BAIAP2: variants seen among roughly 807,000 people sequenced by gnomAD.
The protein encoded by BAIAP2 is BAR/IMD domain-containing adapter protein 2.
A neutral mutation model predicts 63.0 loss-of-function variants in BAIAP2; 18 were observed. The observed-to-expected ratio is 0.29, with a 90% CI of 0.20 to 0.42. BAIAP2 has a LOEUF of 0.42. Ranked by LOEUF, BAIAP2 falls within the 10% of genes least tolerant of loss-of-function variation. The probability of loss-of-function intolerance (pLI) is 1.00; values close to 1 mark genes in which losing one functional copy is unlikely to be tolerated. For synonymous variants in BAIAP2, 386 were observed against 307.6 expected, an observed-to-expected ratio of 1.25 and a Z score of -2.67; for missense variants, 610 against 734.3, an observed-to-expected ratio of 0.83 and a Z score of 1.96.
chr17:81,102,121 G>A (rs529347571), intron 7 of BAIAP2, among the ~76,000 whole-genome samples: 7 of 138,440 alleles, frequency 5.1e-5, no homozygotes, highest in East Asian at 2.0e-4. Flanking sequence ...GCCCCCGGGC[G>A]TGTGTGGAAG....
chr17:81,115,641 G>A, intron 13 of BAIAP2, 129 bp from the exon 14 acceptor site: 2 of 1,112,602 alleles, frequency 1.8e-6, no homozygotes, highest in Non-Finnish European at 2.7e-6. Context: ...TTGTCTGTGA[G>A]CTCTGTGCCC....
chr17:81,065,449 G>T (rs187068246), intron 3 of BAIAP2, among the ~76,000 whole-genome samples: 1 of 152,326 alleles, frequency 6.6e-6, no homozygotes, highest in Non-Finnish European at 1.5e-5. Context: ...AGACCCAAGG[G>T]TGGAGGGCAG....
intron 10 of BAIAP2, 96 bp from the exon 11 acceptor site, chr17:81,105,982 C>T (rs2059136846): frequency 9.1e-7 from 1 of 1,095,568 alleles, no homozygotes; most frequent in Non-Finnish European, 1.3e-6. Context: ...CGCAGCCATG[C>T]TGGGGAGCTA....
chr17:81,093,899 G>C (rs2057220828), intron 6 of BAIAP2, among the ~76,000 whole-genome samples: 1 of 152,170 alleles, frequency 6.6e-6, no homozygotes, highest in African/African-American at 2.4e-5. Context: ...TTTTCACAAA[G>C]CTCTTCAGGC....
chr17:81,062,642 T>C (rs1203401316), intron 3 of BAIAP2, among the ~76,000 whole-genome samples: 1 of 152,064 alleles, frequency 6.6e-6, no homozygotes, highest in Non-Finnish European at 1.5e-5. Context: ...GTGTCTTTAC[T>C]GTTCCTGTAT....
intron 13 of BAIAP2, chr17:81,109,422 CT>C (rs1217928273): frequency 3.4e-5 from 33 of 979,098 alleles, no homozygotes; most frequent in East Asian, 9.8e-5. Flanking sequence ...GGAAAAAGGA[CT>C]TTTTTTTTCC....
intron 6 of BAIAP2, chr17:81,098,040 A>G: frequency 8.7e-7 from 1 of 1,146,950 alleles, no homozygotes; most frequent in Non-Finnish European, 1.1e-6. Flanking sequence ...CTGTGGTGTC[A>G]CGCGCTACCC....
At chr17:81,035,345 T>C in intron 1 of BAIAP2, 37 bp downstream of exon 1, 1 of 1,278,372 alleles carries the variant, frequency 7.8e-7, no homozygotes, top group Non-Finnish European at 1.0e-6. Context: ...GCCCGCTCCG[T>C]GTGCGCCTGG....
chr17:81,109,709 CA>C (rs1211788651), intron 13 of BAIAP2: 1 of 985,290 alleles, frequency 1.0e-6, no homozygotes, highest in African/African-American at 1.7e-5. Context: ...CAGCGCGGCA[CA>C]GTGGCCTCAC....
intron 1 of BAIAP2, among the ~76,000 whole-genome samples, chr17:81,037,173 AAC>A (rs1481789732): frequency 6.6e-6 from 1 of 152,194 alleles, no homozygotes; most frequent in Non-Finnish European, 1.5e-5. Context: ...GAGCACGTGA[AAC>A]ACACAGGTTC....
chr17:81,055,831 C>A (rs928705540), intron 2 of BAIAP2, among the ~76,000 whole-genome samples: 1 of 151,888 alleles, frequency 6.6e-6, no homozygotes, highest in African/African-American at 2.4e-5. Context: ...TCCCAAAGTG[C>A]CTAGGATTAC....
intron 13 of BAIAP2, chr17:81,108,843 T>C: frequency 7.1e-7 from 1 of 1,409,430 alleles, no homozygotes; most frequent in Non-Finnish European, 9.4e-7. Context: ...GTCCTGGGTC[T>C]TCCTGGAGGG....
At chr17:81,068,988 G>A (rs1050500679) in intron 3 of BAIAP2, among the ~76,000 whole-genome samples, 2 of 152,146 alleles carry the variant, frequency 1.3e-5, no homozygotes, top group African/African-American at 4.8e-5. Context: ...CTGGCACTGG[G>A]CCCCGTAGAA....
chr17:81,075,218 AG>A (rs1271218004), intron 3 of BAIAP2, among the ~76,000 whole-genome samples: 1 of 152,220 alleles, frequency 6.6e-6, no homozygotes, highest in African/African-American at 2.4e-5. Flanking sequence ...GCCGGCGGCC[AG>A]GTCTGCGCCT....
chr17:81,106,686 T>C, intron 11 of BAIAP2, 59 bp from the exon 12 acceptor site: 1 of 1,595,520 alleles, frequency 6.3e-7, no homozygotes, highest in Non-Finnish European at 8.6e-7. Flanking sequence ...AGCCACAGGG[T>C]TGTGGGGTGT....
intron 3 of BAIAP2, among the ~76,000 whole-genome samples, chr17:81,078,163 TG>T (rs1429113153): frequency 4.5e-4 from 56 of 125,198 alleles, no homozygotes; most frequent in Middle Eastern, 4.8e-3. Flanking sequence ...CTGGATGCTG[TG>T]GGTGCGGGTG....
chr17:81,059,588 G>A (rs764218625), intron 3 of BAIAP2, among the ~76,000 whole-genome samples: 45 of 152,206 alleles, frequency 3.0e-4, no homozygotes, highest in Admixed American at 8.5e-4. Flanking sequence ...GGGACCACAG[G>A]CGTGCGCCAC....
At chr17:81,103,479 C>T in intron 7 of BAIAP2, 23 bp from the exon 8 acceptor site, 1 of 1,543,104 alleles carries the variant, frequency 6.5e-7, no homozygotes, top group Non-Finnish European at 8.7e-7. Context: ...CTGACCCCTC[C>T]CTTCCTGCTG....
chr17:81,102,094 ACCT>A (rs1410861430), intron 7 of BAIAP2, among the ~76,000 whole-genome samples: 3 of 151,562 alleles, frequency 2.0e-5, no homozygotes, highest in Admixed American at 6.6e-5. Context: ...GCAGCAGCTG[ACCT>A]CCTGGGCTCG....
Sources: allele counts gnomAD v4.1 joint callset (sites outside exome capture counted in the v4.1 genomes callset), GRCh38; gene constraint gnomAD v4.1.1; transcripts MANE v1.5; gene names NCBI Gene and HGNC (gene_info 2026-07-23, HGNC 2026-07-21).